The following DCX variants were observed in gnomAD, a reference collection of about 807,000 sequenced individuals.
The protein encoded by DCX is neuronal migration protein doublecortin.
In DCX, 4 loss-of-function variants were observed where a neutral mutation model predicts 20.9. The ratio of observed to expected loss-of-function variants is 0.19; its 90% CI spans 0.09 to 0.44. The LOEUF is 0.44. Ranked by LOEUF, DCX falls within the 20% of genes least tolerant of loss-of-function variation. DCX has a pLI of 0.99. For missense variants in DCX, 133 were observed against 296.9 expected, an observed-to-expected ratio of 0.45 and a Z score of 4.06; for synonymous variants, 103 against 111.4, an observed-to-expected ratio of 0.92 and a Z score of 0.47.
At chrX:111,364,585 C>T (rs1311655068) in intron 3 of DCX, among the ~76,000 whole-genome samples, 3 of 111,707 alleles carry the variant, frequency 2.7e-5, no homozygotes, top group Non-Finnish European at 5.6e-5. Context: ...TACTCTAGAA[C>T]ACCTTTGCAA....
intron 2 of DCX, among the ~76,000 whole-genome samples, chrX:111,402,198 T>C (rs937737400): frequency 8.9e-6 from 1 of 111,885 alleles, no homozygotes; most frequent in African/African-American, 3.2e-5. Context: ...GAGAATACAT[T>C]ATACAGCCTG....
chrX:111,408,209 C>T (rs778204428), intron 2 of DCX, among the ~76,000 whole-genome samples: 59 of 111,806 alleles, frequency 5.3e-4, no homozygotes, highest in African/African-American at 1.9e-3. Flanking sequence ...TTAAGACATG[C>T]TCCAGGATGG....
chrX:111,320,093 C>T (rs2095082985), intron 5 of DCX, among the ~76,000 whole-genome samples: 1 of 112,488 alleles, frequency 8.9e-6, no homozygotes, highest in African/African-American at 3.2e-5. Context: ...AAAATGCAGA[C>T]ACTTTGTCAG....
rs587783590 is a variant in DCX, at chrX:111,331,036, G to A, written c.814C>T (p.Arg272Ter). ...DDFSLDENEC[R>*]VMKGNPSATA... Reference sequence around the variant, plus strand: ...GCTGATGGGTTTCCCTTCATGACTCGGCATTCTGGGGCAAAAGGACACAGA... The same window carrying A: ...GCTGATGGGTTTCCCTTCATGACTCAGCATTCTGGGGCAAAAGGACACAGA... The change falls in exon 5 of 7, where the codon CGA (arginine) becomes TGA (stop). Residue 272 changes from arginine (R) to a stop codon, truncating the protein, a stop_gained. Transcript: ENST00000636035. LOFTEE classifies it high-confidence loss of function. 1 of 1,210,576 alleles carries A rather than the reference G, an allele frequency of 8.3e-7. No individual in the cohort carries two copies.
intron 2 of DCX, among the ~76,000 whole-genome samples, chrX:111,408,654 G>GAA (rs1284937931): frequency 9.6e-6 from 1 of 104,663 alleles, no homozygotes; most frequent in Non-Finnish European, 2.0e-5. Flanking sequence ...AAGAAAGAAA[G>GAA]AAAGAAAGAA....
chrX:111,353,898 A>T (rs1317592549), intron 3 of DCX, among the ~76,000 whole-genome samples: 1 of 111,919 alleles, frequency 8.9e-6, no homozygotes, highest in Non-Finnish European at 1.9e-5. Context: ...GTCTAAAAAA[A>T]TTGACTTTTG....
intron 6 of DCX, among the ~76,000 whole-genome samples, chrX:111,303,669 T>C: frequency 9.0e-6 from 1 of 111,729 alleles, no homozygotes; most frequent in Non-Finnish European, 1.9e-5. Context: ...TTGGTTTCTT[T>C]ATCAGTGAAC....
intron 5 of DCX, among the ~76,000 whole-genome samples, chrX:111,318,361 TATAATAATA>T (rs201675196): frequency 1.2e-4 from 12 of 100,084 alleles, no homozygotes; most frequent in South Asian, 4.4e-4. Context: ...AAACTTAAAG[TATAATAATA>T]ATAATAATAA....
At chrX:111,310,295 T>C (rs886136441) in intron 6 of DCX, among the ~76,000 whole-genome samples, 1 of 110,933 alleles carries the variant, frequency 9.0e-6, no homozygotes, top group African/African-American at 3.3e-5. Context: ...ATCGTGCCAC[T>C]GCACTCCAGC....
intron 2 of DCX, among the ~76,000 whole-genome samples, chrX:111,409,392 G>A (rs1329487645): frequency 9.0e-6 from 1 of 111,179 alleles, no homozygotes; most frequent in African/African-American, 3.3e-5. Flanking sequence ...TAGGTATAGT[G>A]AGTCAAATCC....
At chrX:111,341,432 A>G (rs1569490544) in intron 3 of DCX, among the ~76,000 whole-genome samples, 1 of 111,359 alleles carries the variant, frequency 9.0e-6, no homozygotes, top group Non-Finnish European at 1.9e-5. Context: ...GAGAATGGAA[A>G]CAAGCCAAAA....
intron 5 of DCX, among the ~76,000 whole-genome samples, chrX:111,313,607 CAG>C (rs1314387192): frequency 1.8e-5 from 2 of 111,944 alleles, no homozygotes; most frequent in Non-Finnish European, 3.8e-5. Flanking sequence ...TGCTGAAAAT[CAG>C]AGTTTCTTTT....
intron 3 of DCX, among the ~76,000 whole-genome samples, chrX:111,380,604 T>C (rs769893161): frequency 9.0e-6 from 1 of 111,461 alleles, no homozygotes; most frequent in African/African-American, 3.2e-5. Flanking sequence ...AGTTTTACTT[T>C]ATCCCTCTTT....
intron 3 of DCX, among the ~76,000 whole-genome samples, chrX:111,391,110 G>A (rs140445331): frequency 0.019 from 2,080 of 110,689 alleles, 68 homozygotes; most frequent in African/African-American, 0.065. Flanking sequence ...ATGTTGAATT[G>A]TAATTCCCAA....
Position 111,333,057 on chromosome X carries a change from C to A in DCX, c.802G>T (p.Glu268Ter). The A allele has an allele frequency of 8.3e-7, 1 of 1,200,512 alleles. No homozygotes were observed. Residue 268 changes from glutamate to a stop codon, truncating the protein, a stop_gained, in exon 4 of 7, where the codon GAA (glutamate) becomes TAA (stop). Coordinates refer to ENST00000636035, the MANE Select transcript of DCX (RefSeq NM_001195553.2). LOFTEE classifies it high-confidence loss of function. ...ACCCAGTGGTTATGCTTACCATTTTCATCCAGAGAAAAATCATCCTGAGCA... is the reference window on the plus strand; with the variant it reads ...ACCCAGTGGTTATGCTTACCATTTTAATCCAGAGAAAAATCATCCTGAGCA... ...RYAQDDFSLDENECRVMKGNP... is the reference protein window; with the variant it reads ...RYAQDDFSLD
At position 111,298,609 on chromosome X, in the gene DCX, T is replaced by G. The variant is rs1206803848; in HGVS notation, c.*3078A>C. On this transcript the variant is annotated 3_prime_UTR_variant, in exon 7 of 7. Transcript: ENST00000636035. Reference sequence around the variant, plus strand: ...GCCAGCTGTGTGACCTTGGGGAAATTACTTTACCTCTGTGTCTCGGTTTCC... The same window carrying G: ...GCCAGCTGTGTGACCTTGGGGAAATGACTTTACCTCTGTGTCTCGGTTTCC... 2.7e-5 allele frequency: 3 copies of G among 111,881 alleles called. No individual in the cohort carries two copies. Among genetic ancestry groups the G allele is most frequent in the Non-Finnish European group, 5.6e-5 (3 of 53,129 alleles). The allele number at this position is 111,881 out of a possible 1,213,427, so 9.2% of individuals were successfully genotyped here.
chrX:111,367,953 A>G (rs1924758988), intron 3 of DCX, among the ~76,000 whole-genome samples: 1 of 111,382 alleles, frequency 9.0e-6, no homozygotes, highest in Non-Finnish European at 1.9e-5. Context: ...AAAATGAGAT[A>G]TAAACATTGA....
chrX:111,308,787 A>C (rs1171002159), intron 6 of DCX, among the ~76,000 whole-genome samples: 1 of 112,132 alleles, frequency 8.9e-6, no homozygotes, highest in African/African-American at 3.2e-5. Flanking sequence ...AATGCCTCTA[A>C]ATTTCAAGCC....
chrX:111,332,433 T>A (rs149638212), intron 4 of DCX, among the ~76,000 whole-genome samples: 1,691 of 112,160 alleles, frequency 0.015, 14 homozygotes, highest in Non-Finnish European at 0.024. Context: ...TATCTTTCTA[T>A]CAGCATCACA....
Sources: allele counts gnomAD v4.1 joint callset (sites outside exome capture counted in the v4.1 genomes callset), GRCh38; gene constraint gnomAD v4.1.1; transcripts MANE v1.5; gene names NCBI Gene and HGNC (gene_info 2026-07-23, HGNC 2026-07-21).